Variants in RAD50 observed in about 807,000 individuals in gnomAD.
RAD50 encodes the protein DNA repair protein RAD50.
RAD50 carries 132 observed loss-of-function variants against 168.8 expected under a neutral mutation model. The observed-to-expected ratio is 0.78, with a 90% confidence interval of 0.68 to 0.90. The LOEUF (loss-of-function observed/expected upper bound fraction) is 0.90, where lower values mean the gene tolerates loss of function less well. Among genes scored for constraint, RAD50 ranks in the 40% least tolerant of loss-of-function variants. The pLI, the probability that RAD50 is intolerant of heterozygous loss-of-function variation, is 0.00. For synonymous variants in RAD50, 525 were observed against 497.4 expected, an observed-to-expected ratio of 1.06 and a Z score of -0.74; for missense variants, 1,347 against 1,534.4, an observed-to-expected ratio of 0.88 and a Z score of 2.04.
Position 132,609,136 on chromosome 5 carries a change from A to G in RAD50, c.2849A>G (p.Lys950Arg), listed in dbSNP as rs1751037513. 6.2e-7 allele frequency: 1 copy of G among 1,611,784 alleles called. No homozygotes were observed. Among genetic ancestry groups the G allele is most frequent in the Non-Finnish European group, 8.5e-7 (1 of 1,179,022 alleles). Residue 950 changes from lysine to arginine, a missense_variant, in exon 18 of 25, where the codon AAG becomes AGG. Physicochemically the swap from Lys to Arg is conservative, Grantham distance 26. Transcript: ENST00000378823. ...AQDKLNDIKEKVKNIHGYMKD... is the reference protein window; with the variant it reads ...AQDKLNDIKERVKNIHGYMKD... ...CTACAGCTGAATGATATTAAAGAGA[A>G]GGTTAAAAATATTCATGGCTATATG...
chr5:132,622,491 C>G (rs1358939134), intron 21 of RAD50, among the ~76,000 whole-genome samples: 1 of 152,044 alleles, frequency 6.6e-6, no homozygotes, highest in Non-Finnish European at 1.5e-5. Context: ...TATTTTGATT[C>G]CTTCTTGAAT....
Position 132,626,743 on chromosome 5 carries a change from T to TAA in RAD50, c.3389+8449_3389+8450insAA, listed in dbSNP as rs1751378321. ...AATCGATTTAATTATTGTATCTAAC[T>TAA]CTGTTTTAAAGGGCAAGTATTTATC... On this transcript the variant is annotated intron_variant, in intron 21 of 24. Transcript: ENST00000378823. Among the ~76,000 whole-genome samples, 4 of 145,960 alleles carry TAA rather than the reference T, an allele frequency of 2.7e-5. No homozygotes were observed. The South Asian group carries it at 9.0e-4, about 33-fold the overall frequency.
chr5:132,613,003 C>T (rs1421114895), intron 19 of RAD50, among the ~76,000 whole-genome samples: 1 of 151,748 alleles, frequency 6.6e-6, no homozygotes, highest in Non-Finnish European at 1.5e-5. Flanking sequence ...TTCAGGCAGT[C>T]TTGTAGAAGT....
chr5:132,618,327 GTTAATA>G (rs1208359825), intron 21 of RAD50, 33 bp downstream of exon 21: 1 of 1,612,502 alleles, frequency 6.2e-7, no homozygotes, highest in South Asian at 1.1e-5. Context: ...TCTTATTGCA[GTTAATA>G]TTAACTAACA....
At chr5:132,637,327 T>G (rs1434343936) in intron 22 of RAD50, 127 bp downstream of exon 22, 1 of 1,460,254 alleles carries the variant, frequency 6.8e-7, no homozygotes. Flanking sequence ...TGAGATTTTC[T>G]AAGAATTCTT....
intron 21 of RAD50, among the ~76,000 whole-genome samples, chr5:132,619,836 C>CTATA (rs1220250912): frequency 3.6e-4 from 41 of 114,416 alleles, no homozygotes; most frequent in Non-Finnish European, 5.4e-4. Context: ...CTCTCTCTCT[C>CTATA]TATATATATA....
At position 132,575,823 on chromosome 5, in the gene RAD50, G is replaced by T. The variant is rs374561375; in HGVS notation, c.260G>T (p.Arg87Leu). 1.9e-6 allele frequency: 3 copies of T among 1,602,258 alleles called. No homozygotes were observed. Among genetic ancestry groups the T allele is most frequent in the Admixed American group, 3.3e-5 (2 of 60,004 alleles). ...AGAGCCCAGATTCGTCTGCAATTTCGTGATGTCAATGGAGAACTTATAGCT... is the reference window on the plus strand; with the variant it reads ...AGAGCCCAGATTCGTCTGCAATTTCTTGATGTCAATGGAGAACTTATAGCT... The part of the protein sequence containing the change: ...DVRAQIRLQF[R>L]DVNGELIAVQ... Residue 87 changes from arginine to leucine, a missense_variant, in exon 3 of 25, where the codon CGT (arginine) becomes CTT (leucine). Physicochemically the swap from Arg to Leu is moderately radical, Grantham distance 102. This residue lies in a region of RAD50 where 703 missense variants were observed against 767.7 expected (regional missense o/e 0.92). Transcript: ENST00000378823.
intron 2 of RAD50, among the ~76,000 whole-genome samples, chr5:132,563,251 G>A (rs1156801180): frequency 1.3e-5 from 2 of 152,282 alleles, no homozygotes; most frequent in African/African-American, 4.8e-5. Context: ...ATGCAGGAGA[G>A]GGGATAATTA....
chr5:132,618,018 G>A lies in RAD50; in HGVS notation c.3165-52G>A, dbSNP rs1406347045. 4.2e-6 allele frequency: 6 copies of A among 1,440,256 alleles called. No individual in the cohort carries two copies. In the African/African-American group the frequency reaches 5.6e-5, roughly 13 times the overall value. The allele number at this position is 1,440,256 out of a possible 1,614,324, so 89.2% of individuals were successfully genotyped here. On this transcript the variant is annotated intron_variant, in intron 20 of 24. Coordinates refer to ENST00000378823, the MANE Select transcript of RAD50 (RefSeq NM_005732.4). Reference sequence around the variant, plus strand: ...AGAAATCTATGACTTTTCCACTTCAGGTTGTTAAAAGCTAAAAAATGGTCC... The same window carrying A: ...AGAAATCTATGACTTTTCCACTTCAAGTTGTTAAAAGCTAAAAAATGGTCC...
chr5:132,588,523 T>C (rs1750637203), intron 7 of RAD50, among the ~76,000 whole-genome samples, 164 bp from the exon 8 acceptor site: 2 of 152,180 alleles, frequency 1.3e-5, no homozygotes, highest in Non-Finnish European at 1.5e-5. Context: ...AGTATTCTGG[T>C]TGTGATATTT....
At chr5:132,625,195 T>C (rs1751352226) in intron 21 of RAD50, among the ~76,000 whole-genome samples, 3 of 150,172 alleles carry the variant, frequency 2.0e-5, no homozygotes, top group African/African-American at 7.3e-5. Context: ...CACGCCATTC[T>C]CCTGCCTCAG....
Position 132,618,111 on chromosome 5 carries a change from GA to G in RAD50, c.3209del (p.Asn1070IlefsTer6), listed in dbSNP as rs786202187. 8.7e-6 allele frequency: 14 copies of G among 1,613,478 alleles called. No homozygotes were observed. Among genetic ancestry groups the G allele is most frequent in the Non-Finnish European group, 1.2e-5 (14 of 1,179,766 alleles). On this transcript the variant is annotated frameshift_variant, in exon 21 of 25. Coordinates refer to ENST00000378823, the MANE Select transcript of RAD50 (RefSeq NM_005732.4). LOFTEE classifies it high-confidence loss of function. ...KLEENIDNIK[R>X]NHNLALGRQK... ...GAAGAGAACATAGACAATATAAAAA[GA>G]AATCATAATTTGGCATTAGGGCGAC... is the stretch of plus-strand genomic sequence containing the variant.
In RAD50 at chr5:132,643,552, G is replaced by A. The variant is rs1320684599; in HGVS notation, c.*1188G>A. 1 of 233,030 alleles carries A rather than the reference G, an allele frequency of 4.3e-6. No homozygotes were observed. The highest frequency in any genetic ancestry group is 8.5e-6 in the Non-Finnish European group (1 of 117,334). 14.4% of individuals were successfully genotyped at this position (233,030 alleles called of 1,614,324 possible). On this transcript the variant is annotated 3_prime_UTR_variant, in exon 25 of 25. Coordinates refer to ENST00000378823, the MANE Select transcript of RAD50 (RefSeq NM_005732.4). Reference sequence around the variant, plus strand: ...TCAACTGGGTCCAGAAGAGAATTAAGCCCTAAGGTCCTAAGGCATCTATCT... The same window carrying A: ...TCAACTGGGTCCAGAAGAGAATTAAACCCTAAGGTCCTAAGGCATCTATCT...
intron 24 of RAD50, 30 bp downstream of exon 24, chr5:132,640,835 A>C: frequency 6.2e-7 from 1 of 1,613,538 alleles, no homozygotes. Flanking sequence ...GCTCTGGTTG[A>C]GTAAGTATCT....
chr5:132,637,795 G>A (rs780649027), intron 22 of RAD50, among the ~76,000 whole-genome samples: 1 of 152,128 alleles, frequency 6.6e-6, no homozygotes, highest in Non-Finnish European at 1.5e-5. Context: ...TGGCCTCCCA[G>A]TGTTGGGTTT....
intron 5 of RAD50, among the ~76,000 whole-genome samples, chr5:132,582,057 A>G (rs1425411179): frequency 6.6e-6 from 1 of 152,312 alleles, no homozygotes; most frequent in African/African-American, 2.4e-5. Flanking sequence ...GAATTTGGCC[A>G]TGACTTTTTT....
rs773421496 is a variant in RAD50, at chr5:132,603,875, A to G, written c.2398-45A>G. ...AATTAATTTTTAAAGATTTTGAATA[A>G]TGCAGTAAGTTTATTAAAGGAAATC... On this transcript the variant is annotated intron_variant, in intron 14 of 24. Transcript: ENST00000378823. 9 of 1,479,336 alleles carry G rather than the reference A, an allele frequency of 6.1e-6. No individual in the cohort carries two copies. The East Asian group carries it at 2.1e-4, about 35-fold the overall frequency. 91.6% of individuals were successfully genotyped at this position (1,479,336 alleles called of 1,614,324 possible). A position where few individuals can be genotyped will look rare whatever the true frequency, so the allele number is the denominator to read the frequency against.
In RAD50 at chr5:132,643,038, G is replaced by GAGGAAATTCTCCACTGTGC. The variant is rs1751768423; in HGVS notation, c.*676_*694dup. On this transcript the variant is annotated 3_prime_UTR_variant, in exon 25 of 25. Transcript: ENST00000378823. ...CCAGACTCAGAGCTCTCTCTACAGAGAGGAAATTCTCCACTGTGCACACCC... is the reference window on the plus strand; with the variant it reads ...CCAGACTCAGAGCTCTCTCTACAGAGAGGAAATTCTCCACTGTGCAGGAAATTCTCCACTGTGCACACCC... 1.9e-6 allele frequency: 1 copy of GAGGAAATTCTCCACTGTGC among 529,572 alleles called. No individual in the cohort carries two copies. Among genetic ancestry groups the GAGGAAATTCTCCACTGTGC allele is most frequent in the East Asian group, 4.3e-5 (1 of 23,426 alleles). The allele number at this position is 529,572 out of a possible 1,614,324, so 32.8% of individuals were successfully genotyped here. A position where few individuals can be genotyped will look rare whatever the true frequency, so the allele number is the denominator to read the frequency against.
chr5:132,560,042 AAAC>A (rs1452501759), intron 2 of RAD50, among the ~76,000 whole-genome samples: 2 of 146,912 alleles, frequency 1.4e-5, no homozygotes, highest in Admixed American at 6.7e-5. Flanking sequence ...TATAGAAGTG[AAAC>A]AACAATACAC....
Sources: allele counts gnomAD v4.1 joint callset (sites outside exome capture counted in the v4.1 genomes callset), GRCh38; gene constraint gnomAD v4.1.1; regional missense constraint gnomAD v4.1.1; transcripts MANE v1.5; gene names NCBI Gene and HGNC (gene_info 2026-07-23, HGNC 2026-07-21).